The following ADAP1 variants were observed in gnomAD, a reference collection of about 807,000 sequenced individuals.
ADAP1 encodes the protein arf-GAP with dual PH domain-containing protein 1.
ADAP1 carries 31 observed loss-of-function variants against 54.9 expected under a neutral mutation model. The observed-to-expected ratio is 0.56, with a 90% CI of 0.42 to 0.76. The LOEUF is 0.76. Among genes scored for constraint, ADAP1 ranks in the 30% least tolerant of loss-of-function variants. The pLI is 0.00. For missense variants in ADAP1, 535 were observed against 512.4 expected, an observed-to-expected ratio of 1.04 and a Z score of -0.42; for synonymous variants, 313 against 202.6, an observed-to-expected ratio of 1.55 and a Z score of -4.63.
intron 1 of ADAP1, among the ~76,000 whole-genome samples, chr7:943,123 T>G (rs373602418): frequency 5.9e-4 from 7 of 11,774 alleles, no homozygotes; most frequent in Non-Finnish European, 5.1e-4. Context: ...AGGAAGGGAG[T>G]GAGGAGGAGG....
intron 1 of ADAP1, among the ~76,000 whole-genome samples, chr7:937,745 G>C (rs865809101): frequency 8.1e-6 from 1 of 124,094 alleles, no homozygotes; most frequent in Admixed American, 8.5e-5. Context: ...GTCATGCCCG[G>C]CCTCTGGGAT....
chr7:943,304 A>G (rs1847029435), intron 1 of ADAP1, among the ~76,000 whole-genome samples: 1 of 11,486 alleles, frequency 8.7e-5, no homozygotes, highest in Non-Finnish European at 1.4e-4. Context: ...GAGGAGGACG[A>G]AGGGAGAGAG....
chr7:936,504 C>T (rs1846763851), intron 1 of ADAP1, among the ~76,000 whole-genome samples: 1 of 152,186 alleles, frequency 6.6e-6, no homozygotes, highest in African/African-American at 2.4e-5. Flanking sequence ...GGTGCCACAG[C>T]GCAGTCTTTC....
chr7:901,140 G>A (rs1008347965), intron 6 of ADAP1: 3 of 420,562 alleles, frequency 7.1e-6, no homozygotes, highest in South Asian at 1.7e-5. Context: ...GAGCCGCCCT[G>A]GTCCTCTGGA....
intron 3 of ADAP1, among the ~76,000 whole-genome samples, chr7:921,237 C>G (rs954969087): frequency 6.6e-6 from 1 of 152,238 alleles, no homozygotes; most frequent in Non-Finnish European, 1.5e-5. Context: ...CCGTCCTCAC[C>G]TGGCCTTCCC....
rs1275250409 is a variant in ADAP1 at position 920,423 on chromosome 7, C to A, written c.306-373G>T. On this transcript the variant is annotated intron_variant, in intron 3 of 10. Coordinates refer to ENST00000265846, the MANE Select transcript of ADAP1 (RefSeq NM_006869.4). The surrounding 1 kb of genome is among the most constrained non-coding windows in gnomAD (Gnocchi z 4.5). ...AGGCCCCCCCACCCCGAGTCACACG[C>A]CCCTGGGCCCTCCCCGACCCTCCCC... Among the ~76,000 whole-genome samples the A allele has an allele frequency of 1.3e-5, 2 of 151,206 alleles. No individual in the cohort carries two copies. The highest frequency in any genetic ancestry group is 6.6e-5 in the Admixed American group (1 of 15,194).
intron 3 of ADAP1, among the ~76,000 whole-genome samples, chr7:923,725 G>C (rs557094718): frequency 5.7e-4 from 87 of 152,296 alleles, no homozygotes; most frequent in African/African-American, 1.9e-3. Flanking sequence ...GGCGTGGGGG[G>C]CCTTCCAGGA....
At chr7:909,121 C>T (rs1305369871) in intron 4 of ADAP1, among the ~76,000 whole-genome samples, 1 of 146,064 alleles carries the variant, frequency 6.8e-6, no homozygotes, top group Non-Finnish European at 1.5e-5. Flanking sequence ...GCGGGAACCC[C>T]GGTCCTCCCG....
In ADAP1 at chr7:898,879, G is replaced by T. The variant is rs955133433; in HGVS notation, c.*42C>A. On this transcript the variant is annotated 3_prime_UTR_variant, in exon 11 of 11. Transcript: ENST00000265846. ...CCCATCCACGGGTCCCCTCCGTCCA[G>T]CCACAGTGAGTCCAATGTCCGTGGT... 6 of 1,573,976 alleles carry T rather than the reference G, an allele frequency of 3.8e-6. No individual in the cohort carries two copies. The Admixed American group carries it at 1.1e-4, about 29-fold the overall frequency.
intron 5 of ADAP1, 151 bp downstream of exon 5, chr7:904,909 C>T (rs1047804447): frequency 2.8e-6 from 2 of 701,808 alleles, no homozygotes; most frequent in Non-Finnish European, 4.9e-6. Context: ...GAGGCTCAGC[C>T]CAACACAGGC....
At chr7:936,683 C>T (rs1373874895) in intron 1 of ADAP1, among the ~76,000 whole-genome samples, 1 of 152,198 alleles carries the variant, frequency 6.6e-6, no homozygotes, top group Non-Finnish European at 1.5e-5. Flanking sequence ...TGAAAGGCAC[C>T]CTAGAGAGAA....
At chr7:954,194 G>A (rs189296197) in intron 1 of ADAP1, among the ~76,000 whole-genome samples, 5,073 of 151,782 alleles carry the variant, frequency 0.033, 292 homozygotes, top group African/African-American at 0.11. Context: ...GCTGCGCCCG[G>A]CCCGGGAAGA....
intron 1 of ADAP1, 98 bp from the exon 2 acceptor site, chr7:935,603 G>C (rs914303459): frequency 2.7e-6 from 4 of 1,458,154 alleles, no homozygotes; most frequent in Admixed American, 4.4e-5. Context: ...CCATGCAGTG[G>C]GGGGGGCTTC....
Position 938,754 on chromosome 7 carries a change from C to T in ADAP1, c.83-3249G>A, listed in dbSNP as rs1168146312. Among the ~76,000 whole-genome samples the T allele has an allele frequency of 2.6e-5, 4 of 152,196 alleles. No homozygotes were observed. The highest frequency in any genetic ancestry group is 1.3e-4 in the Admixed American group (2 of 15,280). ...GAGCCCAGCTGGGAACATCACCGCT[C>T]GGGGTGCAGTGGGGGGCCCTCCTTC... is the stretch of plus-strand genomic sequence containing the variant. On this transcript the variant is annotated intron_variant, in intron 1 of 10. Coordinates refer to ENST00000265846, the MANE Select transcript of ADAP1 (RefSeq NM_006869.4). This position sits in a 1 kb window ranked among gnomAD's most constrained non-coding sequence, Gnocchi z 4.4.
intron 1 of ADAP1, among the ~76,000 whole-genome samples, chr7:951,532 G>A (rs1012405502): frequency 2.0e-5 from 3 of 151,864 alleles, no homozygotes; most frequent in East Asian, 1.9e-4. Context: ...AGCAAAGATC[G>A]TGCCACTGCA....
Position 920,149 on chromosome 7 carries a change from T to C in ADAP1, c.306-99A>G, listed in dbSNP as rs577228196. On this transcript the variant is annotated intron_variant, in intron 3 of 10. Coordinates refer to ENST00000265846, the MANE Select transcript of ADAP1 (RefSeq NM_006869.4). This position sits in a 1 kb window ranked among gnomAD's most constrained non-coding sequence, Gnocchi z 4.5. ...GACCCTGGACATCTCAAGAGGCTCATAGGGACCCCCGGCAGACTCGAGCCG... is the reference window on the plus strand; with the variant it reads ...GACCCTGGACATCTCAAGAGGCTCACAGGGACCCCCGGCAGACTCGAGCCG... The C allele has an allele frequency of 6.1e-5, 66 of 1,089,464 alleles. No homozygotes were observed. In the African/African-American group the frequency reaches 6.4e-4, roughly 11 times the overall value. 67.5% of individuals were successfully genotyped at this position (1,089,464 alleles called of 1,614,324 possible).
chr7:918,964 A>G (rs12668016), intron 4 of ADAP1, among the ~76,000 whole-genome samples: 131,724 of 152,146 alleles, frequency 0.87, 57,274 homozygotes, highest in East Asian at 0.97. Flanking sequence ...GGGCACAGCC[A>G]GAGGCTTGGC....
intron 4 of ADAP1, among the ~76,000 whole-genome samples, chr7:906,806 G>GGGGGGACATGGGTGACATGGGTGACAC (rs138744439): frequency 2.2e-5 from 1 of 44,468 alleles, no homozygotes; most frequent in Admixed American, 2.4e-4. Flanking sequence ...CAGGGGACAT[G>GGGGGGACATGGGTGACATGGGTGACAC]GGGGGACATG....
Position 945,928 on chromosome 7 carries a change from G to C in ADAP1, c.82+8468C>G. 1.7e-6 allele frequency: 1 copy of C among 591,316 alleles called. No individual in the cohort carries two copies. The highest frequency in any genetic ancestry group is 2.1e-6 in the Non-Finnish European group (1 of 469,852). The allele number at this position is 591,316 out of a possible 1,614,324, so 36.6% of individuals were successfully genotyped here. A position where few individuals can be genotyped will look rare whatever the true frequency, so the allele number is the denominator to read the frequency against. On this transcript the variant is annotated intron_variant, in intron 1 of 10. Coordinates refer to ENST00000265846, the MANE Select transcript of ADAP1 (RefSeq NM_006869.4). This position sits in a 1 kb window ranked among gnomAD's most constrained non-coding sequence, Gnocchi z 4.2. ...GGGCAGGGGGAAGGGCAGTAGCCAA[G>C]CCTGTCCATGGGGCCCTGGTTCCAG...
Sources: allele counts gnomAD v4.1 joint callset (sites outside exome capture counted in the v4.1 genomes callset), GRCh38; gene constraint gnomAD v4.1.1; non-coding constraint Gnocchi (gnomAD v3.1); transcripts MANE v1.5; gene names NCBI Gene and HGNC (gene_info 2026-07-23, HGNC 2026-07-21).